SAMD11: variants seen among roughly 807,000 people sequenced by gnomAD.
The protein encoded by SAMD11 is sterile alpha motif domain-containing protein 11.
A neutral mutation model predicts 64.4 loss-of-function variants in SAMD11; 77 were observed. The observed-to-expected ratio is 1.20, with a 90% confidence interval of 0.99 to 1.44. The LOEUF (loss-of-function observed/expected upper bound fraction) is 1.44. Ranked by LOEUF, SAMD11 falls within the 40% of genes most tolerant of loss-of-function variation. The pLI is 0.00. For synonymous variants in SAMD11, 658 were observed against 421.9 expected (o/e 1.56, Z -6.86); for missense variants, 1,402 against 943.3 (o/e 1.49, Z -6.37).
Position 943,136 on chromosome 1 carries a change from GA to G in SAMD11, c.2053+83del, listed in dbSNP as rs201043644. The G allele has an allele frequency of 7.8e-3, 12,311 of 1,575,016 alleles. 643 individuals are homozygous for G. In the African/African-American group the frequency reaches 0.12, roughly 16 times the overall value. On this transcript the variant is annotated intron_variant, in intron 11 of 13. Coordinates refer to ENST00000616016, the MANE Select transcript of SAMD11 (RefSeq NM_001385641.1). ...GCCTGTGGAAGGGTCTTGGGGGGAG[GA>G]AAAATTCCCCTTAGGCACCCATCCC...
Position 924,051 on chromosome 1 carries a change from T to C in SAMD11, c.-381T>C, listed in dbSNP as rs1250007214. 4 of 149,526 alleles carry C rather than the reference T, an allele frequency of 2.7e-5. No individual in the cohort carries two copies. The Middle Eastern group carries it at 0.01, about 387-fold the overall frequency. The allele number at this position is 149,526 out of a possible 1,614,324, so 9.3% of individuals were successfully genotyped here. Reference sequence around the variant, plus strand: ...AGAGGGGCGGGGACTCCGCGACTCCTCGCTGCCGGGCTCGGCCTGGCGGGT... The same window carrying C: ...AGAGGGGCGGGGACTCCGCGACTCCCCGCTGCCGGGCTCGGCCTGGCGGGT... On this transcript the variant is annotated 5_prime_UTR_variant, in exon 1 of 14. Transcript: ENST00000616016.
Position 944,339 on chromosome 1 carries a change from G to A in SAMD11, c.*186G>A. 1.4e-6 allele frequency: 2 copies of A among 1,379,764 alleles called. No homozygotes were observed. The highest frequency in any genetic ancestry group is 1.9e-6 in the Non-Finnish European group (2 of 1,074,482). 85.5% of individuals were successfully genotyped at this position (1,379,764 alleles called of 1,614,324 possible). ...CTTGGGGGAGTGAAGGCAGAGCCTG[G>A]TGCAGATGGACGAGGTCTGCAGACG... On this transcript the variant is annotated 3_prime_UTR_variant, in exon 14 of 14. Transcript: ENST00000616016.
At chr1:943,515 G>C (rs182227964) in intron 12 of SAMD11, 138 bp downstream of exon 12, 2 of 903,712 alleles carry the variant, frequency 2.2e-6, no homozygotes, top group East Asian at 2.7e-5. Flanking sequence ...GGACTGGACT[G>C]TGCACCCCAC....
chr1:942,397 C>T lies in SAMD11; in HGVS notation c.1475-13C>T, dbSNP rs778744662. 20 of 1,447,340 alleles carry T rather than the reference C, an allele frequency of 1.4e-5. No homozygotes were observed. Among genetic ancestry groups the T allele is most frequent in the Non-Finnish European group, 1.7e-5 (19 of 1,098,216 alleles). The allele number at this position is 1,447,340 out of a possible 1,614,324, so 89.7% of individuals were successfully genotyped here. A position where few individuals can be genotyped will look rare whatever the true frequency, so the allele number is the denominator to read the frequency against. The stretch of plus-strand genomic sequence containing the variant: ...CGGACCCCCCGACCCCGCGTTGTCC[C>T]CCTCCCCACCAGGCTACGGCTTCCT... On this transcript the variant is annotated splice_polypyrimidine_tract_variant and intron_variant, in intron 9 of 13. Coordinates refer to ENST00000616016, the MANE Select transcript of SAMD11 (RefSeq NM_001385641.1).
intron 9 of SAMD11, 46 bp downstream of exon 9, chr1:942,297 G>C (rs954323153): frequency 1.9e-6 from 2 of 1,032,240 alleles, no homozygotes; most frequent in Non-Finnish European, 2.6e-6. Context: ...GTGGAGGCTC[G>C]CGGACCCGGC....
At chr1:926,602 T>G (rs1371430002) in intron 2 of SAMD11, among the ~76,000 whole-genome samples, 1 of 152,062 alleles carries the variant, frequency 6.6e-6, no homozygotes, top group East Asian at 1.9e-4. Context: ...GGAGGCTGGT[T>G]CAAGGCCCCA....
chr1:942,273 C>A, intron 9 of SAMD11, 22 bp downstream of exon 9: 1 of 1,058,698 alleles, frequency 9.4e-7, no homozygotes, highest in Non-Finnish European at 1.3e-6. Context: ...GGTGCGCATC[C>A]CCTGGGAGCC....
intron 12 of SAMD11, 93 bp downstream of exon 12, chr1:943,470 A>G: frequency 8.7e-7 from 1 of 1,145,012 alleles, no homozygotes; most frequent in Non-Finnish European, 1.2e-6. Flanking sequence ...CCATTCCCCA[A>G]CGCCCTCTCC....
chr1:938,983 G>A (rs1011580223), intron 5 of SAMD11, 57 bp from the exon 6 acceptor site: 23 of 1,461,794 alleles, frequency 1.6e-5, no homozygotes, highest in Non-Finnish European at 2.0e-5. Flanking sequence ...TGGAGCAGGG[G>A]CTGGGTTCCC....
intron 2 of SAMD11, 102 bp downstream of exon 2, chr1:926,115 C>A: frequency 8.7e-7 from 1 of 1,149,194 alleles, no homozygotes; most frequent in Non-Finnish European, 1.3e-6. Context: ...AACCTCACCC[C>A]TGCGGGTGTG....
At chr1:929,147 C>G (rs552006399) in intron 2 of SAMD11, among the ~76,000 whole-genome samples, 4 of 152,210 alleles carry the variant, frequency 2.6e-5, no homozygotes, top group Admixed American at 2.6e-4. Context: ...TGGAGGAGTC[C>G]GGAAGTGCCT....
chr1:931,701 G>A (rs1422231975), intron 4 of SAMD11, among the ~76,000 whole-genome samples: 7 of 152,224 alleles, frequency 4.6e-5, no homozygotes. Flanking sequence ...TGTATGTTTG[G>A]AGAAGGTCCC....
Position 942,998 on chromosome 1 carries a change from T to C in SAMD11, c.1993T>C (p.Phe665Leu). Reference protein sequence around the residue: ...GGAGAEGKGLFPGSTLPLGFP... With the variant: ...GGAGAEGKGLLPGSTLPLGFP... ...GGCCGGCGCCGAGGGGAAGGGGCTT[T>C]TCCCAGGGTCCACACTGCCCCTGGG... is the stretch of plus-strand genomic sequence containing the variant. The change falls in exon 11 of 14, where the codon TTC (phenylalanine) becomes CTC (leucine). Residue 665 changes from phenylalanine (F) to leucine (L), a missense_variant. By Grantham distance (22) the Phe-to-Leu change is conservative. Transcript: ENST00000616016. 1 of 1,539,778 alleles carries C rather than the reference T, an allele frequency of 6.5e-7. No homozygotes were observed.
intron 5 of SAMD11, among the ~76,000 whole-genome samples, chr1:938,171 G>C (rs969661002): frequency 2.6e-5 from 4 of 152,186 alleles, no homozygotes; most frequent in African/African-American, 9.7e-5. Context: ...GGTGTGGTCT[G>C]GAATGGGTGC....
At chr1:938,861 C>T (rs1314174865) in intron 5 of SAMD11, among the ~76,000 whole-genome samples, 179 bp from the exon 6 acceptor site, 2 of 152,172 alleles carry the variant, frequency 1.3e-5, no homozygotes, top group Non-Finnish European at 1.5e-5. Context: ...CCCGCCACAG[C>T]CAGGCGTGAT....
intron 5 of SAMD11, among the ~76,000 whole-genome samples, chr1:938,008 CAG>C (rs1045296337): frequency 1.3e-5 from 2 of 152,182 alleles, no homozygotes; most frequent in Non-Finnish European, 2.9e-5. Context: ...TCTTGGGTCA[CAG>C]GGGAGTGGCC....
intron 4 of SAMD11, among the ~76,000 whole-genome samples, chr1:935,239 C>T (rs1183257427): frequency 2.0e-5 from 3 of 152,144 alleles, no homozygotes; most frequent in Non-Finnish European, 2.9e-5. Flanking sequence ...GTGCCTGGTG[C>T]GAGCTGCACG....
At position 943,919 on chromosome 1, in the gene SAMD11, C is replaced by G; in HGVS notation, c.2301C>G (p.Arg767=). ...ALKIRAQVAR[R]LGRVFYVASF... ...CCATCTCTCTGCAGGTGGCCAGGCG[C>G]CTGGGCCGAGTTTTCTACGTGGCCA... is the stretch of plus-strand genomic sequence containing the variant. Residue 767 remains arginine (R), a synonymous_variant, in exon 14 of 14, where the codon CGC becomes CGG. Transcript: ENST00000616016. 6.2e-7 allele frequency: 1 copy of G among 1,612,760 alleles called. No homozygotes were observed. The highest frequency in any genetic ancestry group is 8.5e-7 in the Non-Finnish European group (1 of 1,179,816).
chr1:927,422 C>T lies in SAMD11; in HGVS notation c.609+1409C>T, dbSNP rs759215399. On this transcript the variant is annotated intron_variant, in intron 2 of 13. Transcript: ENST00000616016. ...TTCCGTGAGCATCTCCTCCCCACCC[C>T]GTGGCCACAGCCAGGAGATGCCCCC... 5.3e-5 allele frequency among the ~76,000 whole-genome samples: 8 copies of T among 152,146 alleles called. No individual in the cohort carries two copies. In the East Asian group the frequency reaches 1.4e-3, roughly 26 times the overall value.
Sources: gnomAD v4.1 joint callset for allele counts (sites outside exome capture counted in the v4.1 genomes callset) on GRCh38, gnomAD v4.1.1 for gene constraint, MANE v1.5 for transcripts, NCBI Gene and HGNC (gene_info 2026-07-23, HGNC 2026-07-21) for gene names.